The following ACAP2 variants were observed in gnomAD, a reference collection of about 807,000 sequenced individuals.
The protein encoded by ACAP2 is ArfGAP with coiled-coil, ankyrin repeat and PH domains 2, also known as arf-GAP with coiled-coil, ANK repeat and PH domain-containing protein 2.
In ACAP2, 39 loss-of-function variants were observed where a neutral mutation model predicts 115.8. The observed-to-expected ratio is 0.34, with a 90% CI of 0.26 to 0.44. The LOEUF is 0.44. Among genes scored for constraint, ACAP2 ranks in the 20% least tolerant of loss-of-function variants. The pLI is 1.00. For synonymous variants in ACAP2, 289 were observed against 315.8 expected (o/e 0.92, Z 0.90); for missense variants, 662 against 927.6 (o/e 0.71, Z 3.72).
chr3:195,302,088 C>A lies in ACAP2; in HGVS notation c.1203G>T (p.Ala401=), dbSNP rs199570524. The A allele has an allele frequency of 1.9e-6, 3 of 1,614,026 alleles. No homozygotes were observed. The highest frequency in any genetic ancestry group is 1.3e-5 in the African/African-American group (1 of 74,926). Residue 401 remains alanine, a synonymous_variant, in exon 14 of 23, where the codon GCG becomes GCT. Transcript: ENST00000326793. ...SKEKLLKGES[A]LQRVQCIPGN... is the part of the protein sequence containing the mutation. ...CAGGGATACACTGGACCCGCTGAAGCGCACTTTCTCCTTTCAATAATTTCT... is the reference window on the plus strand; with the variant it reads ...CAGGGATACACTGGACCCGCTGAAGAGCACTTTCTCCTTTCAATAATTTCT...
chr3:195,418,421 G>C (rs550710030), intron 1 of ACAP2, among the ~76,000 whole-genome samples: 16 of 152,294 alleles, frequency 1.1e-4, no homozygotes, highest in African/African-American at 3.8e-4. Context: ...TTAAAAGGTA[G>C]AATTTCCTTC....
In ACAP2 at chr3:195,319,821, T is replaced by C. The variant is rs115861057; in HGVS notation, c.857+880A>G. Among the ~76,000 whole-genome samples, 520 of 152,278 alleles carry C rather than the reference T, an allele frequency of 3.4e-3. 3 individuals carry two copies. Among genetic ancestry groups the C allele is most frequent in the African/African-American group, 0.012 (494 of 41,564 alleles). ...GGAATGAGATAAGACTTTGGGGAAC[T>C]GTTGGGAAGTCCTGATTGATTTTGA... On this transcript the variant is annotated intron_variant, in intron 10 of 22. Transcript: ENST00000326793.
At chr3:195,328,444 G>C (rs919083955) in intron 8 of ACAP2, among the ~76,000 whole-genome samples, 1 of 151,952 alleles carries the variant, frequency 6.6e-6, no homozygotes. Context: ...CAATGAAACA[G>C]ATCTATCACT....
rs143769513 is a variant in ACAP2, at chr3:195,311,725, C to T, written c.858-2888G>A. Among the ~76,000 whole-genome samples, 425 of 151,788 alleles carry T rather than the reference C, an allele frequency of 2.8e-3. 5 individuals are homozygous for T. The highest frequency in any genetic ancestry group is 0.01 in the Middle Eastern group (3 of 292). ...CTAATTTTTGTATTTTTAGTAGAGA[C>T]GGGGTTTCGCCATGTTGGCCAAGCT... On this transcript the variant is annotated intron_variant, in intron 10 of 22. Coordinates refer to ENST00000326793, the MANE Select transcript of ACAP2 (RefSeq NM_012287.6).
chr3:195,427,328 A>G (rs952633135), intron 1 of ACAP2, among the ~76,000 whole-genome samples: 5 of 152,132 alleles, frequency 3.3e-5, no homozygotes, highest in African/African-American at 1.2e-4. Flanking sequence ...GAACTGTAAA[A>G]TCATTTTGTG....
At chr3:195,436,429 C>T (rs1405421521) in intron 1 of ACAP2, among the ~76,000 whole-genome samples, 1 of 152,188 alleles carries the variant, frequency 6.6e-6, no homozygotes, top group East Asian at 1.9e-4. Context: ...CCACCATGCC[C>T]AGCCCTCTTA....
At chr3:195,320,037 A>C (rs1729348072) in intron 10 of ACAP2, among the ~76,000 whole-genome samples, 1 of 152,140 alleles carries the variant, frequency 6.6e-6, no homozygotes, top group African/African-American at 2.4e-5. Flanking sequence ...CTCACAAGAT[A>C]TAATGGTTTA....
intron 1 of ACAP2, among the ~76,000 whole-genome samples, chr3:195,425,334 T>C (rs1010235672): frequency 1.4e-4 from 21 of 152,156 alleles, no homozygotes; most frequent in South Asian, 1.2e-3. Flanking sequence ...TTACTTATCG[T>C]TTTGCAATTC....
intron 4 of ACAP2, among the ~76,000 whole-genome samples, chr3:195,370,717 A>T (rs1577371027): frequency 6.6e-6 from 1 of 152,158 alleles, no homozygotes; most frequent in Non-Finnish European, 1.5e-5. Flanking sequence ...TTGGGAGGCC[A>T]AGGCAGGGGA....
At chr3:195,325,837 T>C (rs1005976248) in intron 9 of ACAP2, among the ~76,000 whole-genome samples, 1 of 152,214 alleles carries the variant, frequency 6.6e-6, no homozygotes, top group Non-Finnish European at 1.5e-5. Context: ...AATTTTTATC[T>C]GTCAACTTAA....
intron 9 of ACAP2, among the ~76,000 whole-genome samples, chr3:195,321,033 C>T (rs1160359231): frequency 6.6e-6 from 1 of 151,856 alleles, no homozygotes; most frequent in Admixed American, 6.6e-5. Flanking sequence ...TTATGCAATA[C>T]TTATTGTGAT....
Position 195,399,386 on chromosome 3 carries a change from G to A in ACAP2, c.54-7239C>T, listed in dbSNP as rs187459591. On this transcript the variant is annotated intron_variant, in intron 1 of 22. Transcript: ENST00000326793. ...GGATCTCATTATGCTGACCAGTCTT[G>A]TTGACCAGTCTGGTCTCGAACTCCT... Among the ~76,000 whole-genome samples, 5 of 152,232 alleles carry A rather than the reference G, an allele frequency of 3.3e-5. No homozygotes were observed. The East Asian group carries it at 9.6e-4, about 29-fold the overall frequency.
chr3:195,409,019 T>C (rs754857677), intron 1 of ACAP2, among the ~76,000 whole-genome samples: 2 of 151,410 alleles, frequency 1.3e-5, no homozygotes, highest in South Asian at 4.2e-4. Flanking sequence ...CCTGTAGGAT[T>C]AGAAACAAGG....
intron 11 of ACAP2, among the ~76,000 whole-genome samples, chr3:195,307,960 T>C (rs1728525999): frequency 6.6e-6 from 1 of 152,114 alleles, no homozygotes; most frequent in Admixed American, 6.5e-5. Flanking sequence ...TTACAGAATA[T>C]CATTCATAAA....
At position 195,360,805 on chromosome 3, in the gene ACAP2, TA is replaced by T. The variant is rs879507087; in HGVS notation, c.286-15489del. Among the ~76,000 whole-genome samples, 643 of 110,538 alleles carry T rather than the reference TA, an allele frequency of 5.8e-3. 2 individuals carry two copies. Among genetic ancestry groups the T allele is most frequent in the Non-Finnish European group, 7.5e-3 (373 of 50,036 alleles). 72.5% of individuals were successfully genotyped at this position (110,538 alleles called of 152,430 possible). A position where few individuals can be genotyped will look rare whatever the true frequency, so the allele number is the denominator to read the frequency against. On this transcript the variant is annotated intron_variant, in intron 4 of 22. Coordinates refer to ENST00000326793, the MANE Select transcript of ACAP2 (RefSeq NM_012287.6). ...AGAGTGAGACTCCATCTCAAAAAAATAAAAAAAAAAGGAAAAAGAAAAGAAA... is the reference window on the plus strand; with the variant it reads ...AGAGTGAGACTCCATCTCAAAAAAATAAAAAAAAAGGAAAAAGAAAAGAAA...
At chr3:195,389,840 G>T (rs1161705828) in intron 2 of ACAP2, among the ~76,000 whole-genome samples, 1 of 152,220 alleles carries the variant, frequency 6.6e-6, no homozygotes, top group Non-Finnish European at 1.5e-5. Context: ...CCCAGTGGCA[G>T]GTGCTCCCCC....
chr3:195,314,532 G>C (rs561050075), intron 10 of ACAP2, among the ~76,000 whole-genome samples: 1 of 152,218 alleles, frequency 6.6e-6, no homozygotes, highest in South Asian at 2.1e-4. Flanking sequence ...GCCTCCCAAA[G>C]TGCTGGGATT....
In ACAP2 at chr3:195,355,764, G is replaced by C. The variant is rs117382264; in HGVS notation, c.286-10447C>G. On this transcript the variant is annotated intron_variant, in intron 4 of 22. Coordinates refer to ENST00000326793, the MANE Select transcript of ACAP2 (RefSeq NM_012287.6). ...TCCAGAAAGGTTAGTAAAAGAGTAG[G>C]CTGCATAACCATAGAGAGCATTATC... Among the ~76,000 whole-genome samples the C allele has an allele frequency of 3.3e-5, 5 of 152,310 alleles. No homozygotes were observed. In the East Asian group the frequency reaches 7.7e-4, roughly 23 times the overall value.
intron 2 of ACAP2, among the ~76,000 whole-genome samples, chr3:195,390,384 T>A (rs1320999524): frequency 6.6e-6 from 1 of 152,160 alleles, no homozygotes; most frequent in Non-Finnish European, 1.5e-5. Flanking sequence ...TTACAGGGCT[T>A]TAAAAATTAT....
Sources: allele counts gnomAD v4.1 joint callset (sites outside exome capture counted in the v4.1 genomes callset), GRCh38; gene constraint gnomAD v4.1.1; transcripts MANE v1.5; gene names NCBI Gene and HGNC (gene_info 2026-07-23, HGNC 2026-07-21).